KCNN2: variants seen among roughly 807,000 people sequenced by gnomAD.
KCNN2 encodes the protein small conductance calcium-activated potassium channel protein 2.
In KCNN2, 24 loss-of-function variants were observed where a neutral mutation model predicts 55.5. That is an observed-to-expected ratio of 0.43 (90% CI 0.31 to 0.61). KCNN2 has a LOEUF of 0.61. Among genes scored for constraint, KCNN2 ranks in the 20% least tolerant of loss-of-function variants. KCNN2 has a pLI of 0.08. For missense variants in KCNN2, 754 were observed against 853.6 expected (o/e 0.88, Z 1.45); for synonymous variants, 431 against 336.1 (o/e 1.28, Z -3.09).
chr5:114,163,365 A>G (rs10062393), intron 1 of KCNN2, among the ~76,000 whole-genome samples: 124,705 of 152,160 alleles, frequency 0.82, 52,096 homozygotes, highest in East Asian at 0.94. Flanking sequence ...CCTTGTGGCA[A>G]TTTTCACTGG....
intron 2 of KCNN2, among the ~76,000 whole-genome samples, chr5:114,251,131 G>C (rs1029758680): frequency 9.9e-5 from 15 of 152,208 alleles, no homozygotes; most frequent in African/African-American, 3.6e-4. Context: ...AGTATCATGG[G>C]CCCTTTGTAA....
intron 4 of KCNN2, among the ~76,000 whole-genome samples, chr5:114,467,827 C>T (rs1211394127): frequency 6.6e-6 from 1 of 152,208 alleles, no homozygotes; most frequent in East Asian, 1.9e-4. Flanking sequence ...ACTATCAGCA[C>T]TTTTAATTGG....
intron 2 of KCNN2, among the ~76,000 whole-genome samples, chr5:114,377,754 C>T (rs1757987504): frequency 6.6e-6 from 1 of 152,182 alleles, no homozygotes; most frequent in South Asian, 2.1e-4. Flanking sequence ...TTACCCCTCC[C>T]AGGCTCATTT....
At chr5:114,412,579 G>GT (rs1759170746) in intron 3 of KCNN2, among the ~76,000 whole-genome samples, 3 of 152,090 alleles carry the variant, frequency 2.0e-5, no homozygotes, top group Admixed American at 2.0e-4. Context: ...TTCTATTTGT[G>GT]TTTTTTTATT....
intron 1 of KCNN2, among the ~76,000 whole-genome samples, chr5:114,129,290 C>G (rs1050839337): frequency 3.3e-5 from 5 of 152,160 alleles, no homozygotes; most frequent in Non-Finnish European, 7.4e-5. Context: ...CATGAGGCTT[C>G]TAAGACAGAG....
intron 2 of KCNN2, among the ~76,000 whole-genome samples, chr5:114,376,141 A>C (rs1366416584): frequency 6.6e-6 from 1 of 151,800 alleles, no homozygotes; most frequent in African/African-American, 2.4e-5. Context: ...CAGCCCACTC[A>C]CTGTCATGTT....
chr5:114,253,188 T>G (rs1236418717), intron 2 of KCNN2, among the ~76,000 whole-genome samples: 1 of 148,116 alleles, frequency 6.8e-6, no homozygotes, highest in African/African-American at 2.5e-5. Flanking sequence ...CCATTCCATC[T>G]GGAATTATGG....
At chr5:114,418,733 A>G (rs1006985149) in intron 3 of KCNN2, among the ~76,000 whole-genome samples, 5 of 152,134 alleles carry the variant, frequency 3.3e-5, no homozygotes, top group African/African-American at 1.2e-4. Flanking sequence ...GATCACTGCC[A>G]CTCAACTTAG....
At chr5:114,249,331 T>G in intron 2 of KCNN2, among the ~76,000 whole-genome samples, 1 of 151,168 alleles carries the variant, frequency 6.6e-6, no homozygotes, top group South Asian at 2.1e-4. Context: ...TCACCTAGGC[T>G]GGGTGGAGTG....
At chr5:114,069,240 C>T (rs1750515634) in intron 1 of KCNN2, among the ~76,000 whole-genome samples, 1 of 152,200 alleles carries the variant, frequency 6.6e-6, no homozygotes, top group South Asian at 2.1e-4. Context: ...TTTGCCAGCT[C>T]ACTTACTTAC....
At chr5:114,473,371 A>G (rs998641483) in intron 5 of KCNN2, 1 of 564,758 alleles carries the variant, frequency 1.8e-6, no homozygotes, top group Non-Finnish European at 3.1e-6. Flanking sequence ...CAGTCTTGGT[A>G]TTTGGATAAA....
chr5:114,454,898 T>TG (rs1760851624), intron 3 of KCNN2, among the ~76,000 whole-genome samples: 1 of 152,236 alleles, frequency 6.6e-6, no homozygotes, highest in Non-Finnish European at 1.5e-5. Flanking sequence ...GCCTTCGAAT[T>TG]GGGGGTACAC....
chr5:114,393,911 CTAGAT>C (rs1224969749), intron 2 of KCNN2, among the ~76,000 whole-genome samples: 1 of 152,040 alleles, frequency 6.6e-6, no homozygotes, highest in Admixed American at 6.6e-5. Flanking sequence ...CGTTTCCCTA[CTAGAT>C]TATTCATATT....
At chr5:114,475,964 A>T (rs193271511) in intron 5 of KCNN2, among the ~76,000 whole-genome samples, 2 of 152,220 alleles carry the variant, frequency 1.3e-5, no homozygotes, top group African/African-American at 4.8e-5. Flanking sequence ...TTCATTAAGT[A>T]CTGTTCTGGT....
At chr5:114,348,073 C>T (rs751824199) in intron 2 of KCNN2, among the ~76,000 whole-genome samples, 12 of 152,094 alleles carry the variant, frequency 7.9e-5, no homozygotes, top group Non-Finnish European at 1.6e-4. Flanking sequence ...AACAGCCAAA[C>T]CACATGCAGC....
intron 2 of KCNN2, among the ~76,000 whole-genome samples, chr5:114,244,195 A>G (rs2112619237): frequency 6.6e-6 from 1 of 152,264 alleles, no homozygotes; most frequent in African/African-American, 2.4e-5. Context: ...AAATAAGAAG[A>G]GGAAGTTAGT....
At chr5:114,290,421 A>G (rs960012260) in intron 2 of KCNN2, among the ~76,000 whole-genome samples, 17 of 152,080 alleles carry the variant, frequency 1.1e-4, no homozygotes, top group East Asian at 9.6e-4. Context: ...TTTTATTCCT[A>G]TAAGGTCAGT....
intron 2 of KCNN2, among the ~76,000 whole-genome samples, chr5:114,331,079 C>G (rs1274414598): frequency 6.6e-6 from 1 of 152,120 alleles, no homozygotes; most frequent in African/African-American, 2.4e-5. Flanking sequence ...TGCTACAGAG[C>G]CAAGAGGAAG....
At chr5:114,216,205 A>G (rs961907469) in intron 1 of KCNN2, among the ~76,000 whole-genome samples, 1 of 152,186 alleles carries the variant, frequency 6.6e-6, no homozygotes, top group Non-Finnish European at 1.5e-5. Context: ...AATTTCAACA[A>G]CATGAGAAAC....
Sources: gnomAD v4.1 joint callset for allele counts (sites outside exome capture counted in the v4.1 genomes callset) on GRCh38, gnomAD v4.1.1 for gene constraint, MANE v1.5 for transcripts, NCBI Gene and HGNC (gene_info 2026-07-23, HGNC 2026-07-21) for gene names.